PTPRA: variants seen among roughly 807,000 people sequenced by gnomAD.
The protein encoded by PTPRA is protein tyrosine phosphatase receptor type A.
In PTPRA, 25 loss-of-function variants were observed where a neutral mutation model predicts 104.8. The observed-to-expected ratio is 0.24, with a 90% CI of 0.17 to 0.33. PTPRA has a LOEUF of 0.33. Among genes scored for constraint, PTPRA ranks in the 10% least tolerant of loss-of-function variants. The probability of loss-of-function intolerance (pLI) is 1.00; values close to 1 mark genes in which losing one functional copy is unlikely to be tolerated. For missense variants in PTPRA, 765 were observed against 1,015.3 expected (o/e 0.75, Z 3.35); for synonymous variants, 323 against 368.9 (o/e 0.88, Z 1.43).
At chr20:2,966,354 T>C (rs1039875258) in intron 5 of PTPRA, among the ~76,000 whole-genome samples, 1 of 152,228 alleles carries the variant, frequency 6.6e-6, no homozygotes, top group African/African-American at 2.4e-5. Context: ...GTGATAGTAA[T>C]AGTTCTTACC....
chr20:2,965,275 T>C, intron 5 of PTPRA, 73 bp downstream of exon 5: 1 of 1,400,828 alleles, frequency 7.1e-7, no homozygotes, highest in Non-Finnish European at 9.6e-7. Flanking sequence ...GTTTGTGTTT[T>C]CTAGCCTTAA....
chr20:2,919,412 C>T (rs2060023117), intron 1 of PTPRA, among the ~76,000 whole-genome samples: 1 of 152,042 alleles, frequency 6.6e-6, no homozygotes, highest in South Asian at 2.1e-4. Context: ...TATATAATGG[C>T]CTTTCATGGT....
At chr20:2,987,236 C>T (rs1437790239) in intron 7 of PTPRA, among the ~76,000 whole-genome samples, 1 of 152,022 alleles carries the variant, frequency 6.6e-6, no homozygotes, top group East Asian at 1.9e-4. Flanking sequence ...ACATGCTCAA[C>T]AAAAGCCTAC....
chr20:2,945,511 G>A (rs984899792), intron 2 of PTPRA, among the ~76,000 whole-genome samples: 36 of 152,102 alleles, frequency 2.4e-4, no homozygotes, highest in African/African-American at 8.0e-4. Flanking sequence ...GCTAGATGTT[G>A]GGTAGGTCTT....
intron 1 of PTPRA, among the ~76,000 whole-genome samples, chr20:2,882,493 A>G (rs772676667): frequency 8.6e-5 from 13 of 151,834 alleles, no homozygotes; most frequent in East Asian, 3.9e-4. Context: ...AGGTCTCACT[A>G]TGTTTCCCAG....
At chr20:3,006,599 A>G (rs1222333603) in intron 10 of PTPRA, among the ~76,000 whole-genome samples, 1 of 152,162 alleles carries the variant, frequency 6.6e-6, no homozygotes, top group Non-Finnish European at 1.5e-5. Flanking sequence ...GGAACCAAAA[A>G]ATTAGGACCA....
chr20:2,864,198 G>A, the PTPRA span: 12 of 1,614,180 alleles, frequency 7.4e-6, no homozygotes, highest in East Asian at 2.0e-4. The surrounding 1 kb of genome is among the most constrained non-coding windows in gnomAD (Gnocchi z 5.2). Context: ...TATGAGCCAC[G>A]CTCAGGGGAG....
chr20:2,948,043 T>C lies in PTPRA; in HGVS notation c.-7+19T>C. On this transcript the variant is annotated intron_variant, in intron 3 of 23. Coordinates refer to ENST00000399903, the MANE Select transcript of PTPRA (RefSeq NM_001385305.1). ...GAAGCTAGTAAGTACTGAAATAGTT[T>C]TTTAAGTTTTTTCTACAAGAATAGA... 3 of 1,045,714 alleles carry C rather than the reference T, an allele frequency of 2.9e-6. No homozygotes were observed. In the South Asian group the frequency reaches 4.1e-5, roughly 14 times the overall value. 64.8% of individuals were successfully genotyped at this position (1,045,714 alleles called of 1,614,324 possible).
At chr20:2,876,612 TC>T (rs1230999858) in intron 1 of PTPRA, among the ~76,000 whole-genome samples, 1 of 152,270 alleles carries the variant, frequency 6.6e-6, no homozygotes, top group Non-Finnish European at 1.5e-5. Context: ...GTTTCCAGGT[TC>T]TTCTCTTACA....
rs145906718 is a variant in PTPRA, at chr20:3,032,599, C to G, written c.1921-2986C>G. 1.6e-3 allele frequency among the ~76,000 whole-genome samples: 242 copies of G among 152,018 alleles called. 6 individuals carry two copies. The East Asian group carries it at 0.042, about 27-fold the overall frequency. ...TGGCCAACATGGCAAAACCCCATCTCTACTAAAAATACAAAAATTAGCTGG... is the reference window on the plus strand; with the variant it reads ...TGGCCAACATGGCAAAACCCCATCTGTACTAAAAATACAAAAATTAGCTGG... On this transcript the variant is annotated intron_variant, in intron 20 of 23. Coordinates refer to ENST00000399903, the MANE Select transcript of PTPRA (RefSeq NM_001385305.1).
intron 2 of PTPRA, among the ~76,000 whole-genome samples, chr20:2,930,868 C>A (rs1437311950): frequency 6.6e-6 from 1 of 152,108 alleles, no homozygotes; most frequent in African/African-American, 2.4e-5. Context: ...ATAGTTCAAC[C>A]CATAACAGGG....
At chr20:2,982,760 A>C (rs2062739527) in intron 6 of PTPRA, among the ~76,000 whole-genome samples, 2 of 151,522 alleles carry the variant, frequency 1.3e-5, no homozygotes, top group African/African-American at 2.4e-5. Flanking sequence ...GCAGTGGCGC[A>C]ATCTCGGCTC....
intron 5 of PTPRA, among the ~76,000 whole-genome samples, chr20:2,968,827 A>G (rs1157323518): frequency 6.6e-6 from 1 of 152,098 alleles, no homozygotes. Flanking sequence ...CAGGAGGATT[A>G]CTTGAGGCCT....
At chr20:2,954,570 T>C (rs1483208908) in intron 3 of PTPRA, among the ~76,000 whole-genome samples, 1 of 152,220 alleles carries the variant, frequency 6.6e-6, no homozygotes, top group Non-Finnish European at 1.5e-5. Context: ...TGTTGAGTTG[T>C]AGGAGCTCTT....
rs1480318288 is a variant in PTPRA at position 3,022,268 on chromosome 20, A to G, written c.1328+48A>G. On this transcript the variant is annotated intron_variant, in intron 15 of 23. Coordinates refer to ENST00000399903, the MANE Select transcript of PTPRA (RefSeq NM_001385305.1). This position sits in a 1 kb window ranked among gnomAD's most constrained non-coding sequence, Gnocchi z 4.6. ...ACCCCCACCCCCACATTTCGCCCCC[A>G]TGGCCAGAGCAGGGGAACAGCACAA... The G allele has an allele frequency of 2.5e-6, 4 of 1,592,536 alleles. No homozygotes were observed. In the African/African-American group the frequency reaches 4.1e-5, roughly 16 times the overall value.
intron 20 of PTPRA, among the ~76,000 whole-genome samples, chr20:3,030,686 T>C (rs1398664439): frequency 3.7e-5 from 5 of 134,838 alleles, no homozygotes; most frequent in African/African-American, 5.7e-5. Flanking sequence ...CTTTTTTTTT[T>C]TTTTTTTTTT....
At chr20:3,026,192 C>T (rs1247292190) in intron 17 of PTPRA, among the ~76,000 whole-genome samples, 2 of 151,936 alleles carry the variant, frequency 1.3e-5, no homozygotes, top group South Asian at 4.2e-4. Context: ...CCACCTTGGC[C>T]TCCCAAAGTG....
intron 3 of PTPRA, among the ~76,000 whole-genome samples, chr20:2,954,049 A>G (rs1325382047): frequency 6.7e-6 from 1 of 149,342 alleles, no homozygotes; most frequent in African/African-American, 2.5e-5. Context: ...AGCTACGTCT[A>G]CAGGCATGTG....
At chr20:2,987,432 A>T (rs1425832293) in intron 7 of PTPRA, among the ~76,000 whole-genome samples, 3 of 152,006 alleles carry the variant, frequency 2.0e-5, no homozygotes, top group Non-Finnish European at 4.4e-5. Context: ...AGGGTGGTGC[A>T]TTTATTCTCT....
Sources: allele counts gnomAD v4.1 joint callset (sites outside exome capture counted in the v4.1 genomes callset), GRCh38; gene constraint gnomAD v4.1.1; non-coding constraint Gnocchi (gnomAD v3.1); transcripts MANE v1.5; gene names NCBI Gene and HGNC (gene_info 2026-07-23, HGNC 2026-07-21).